Variants in ZNF236 observed in about 807,000 individuals in gnomAD.
The protein encoded by ZNF236 is regulated by glucose.
In ZNF236, 50 loss-of-function variants were observed where a neutral mutation model predicts 191.2. That is an observed-to-expected ratio of 0.26 (90% CI 0.21 to 0.33). The LOEUF (loss-of-function observed/expected upper bound fraction) is 0.33, where lower values mean the gene tolerates loss of function less well. ZNF236 is among the 10% of genes least tolerant of loss of function. The pLI, the probability that ZNF236 is intolerant of heterozygous loss-of-function variation, is 1.00. For synonymous variants in ZNF236, 907 were observed against 928.8 expected (o/e 0.98, Z 0.43); for missense variants, 1,754 against 2,374.5 (o/e 0.74, Z 5.43).
At chr18:76,841,304 C>A (rs1975493470) in intron 1 of ZNF236, among the ~76,000 whole-genome samples, 1 of 152,138 alleles carries the variant, frequency 6.6e-6, no homozygotes, top group South Asian at 2.1e-4. Context: ...AACCCCTGAC[C>A]TCAGATGATC....
chr18:76,826,714 C>T (rs1378652556), intron 1 of ZNF236, among the ~76,000 whole-genome samples: 5 of 147,678 alleles, frequency 3.4e-5, no homozygotes, highest in Non-Finnish European at 4.5e-5. Context: ...GCATGAGAAT[C>T]GCTTGAGCCC....
rs184027149 is a variant in ZNF236 at position 76,832,916 on chromosome 18, A to G, written c.55+10254A>G. Among the ~76,000 whole-genome samples, 68 of 152,294 alleles carry G rather than the reference A, an allele frequency of 4.5e-4. 1 individual carries two copies. In the East Asian group the frequency reaches 0.012, roughly 26 times the overall value. On this transcript the variant is annotated intron_variant, in intron 1 of 30. Transcript: ENST00000320610. The stretch of plus-strand genomic sequence containing the variant: ...TCTCTTGGTAATGTTTTGGGACTTC[A>G]AGATACAGGACTTATACAAATATTG...
At chr18:76,831,885 TAGG>T (rs770114930) in intron 1 of ZNF236, among the ~76,000 whole-genome samples, 33 of 152,232 alleles carry the variant, frequency 2.2e-4, no homozygotes, top group African/African-American at 7.7e-4. Context: ...TACTGATTTA[TAGG>T]AGGTCTTTAT....
At position 76,968,733 on chromosome 18, in the gene ZNF236, T is replaced by G; in HGVS notation, c.*394T>G. The G allele has an allele frequency of 1.0e-6, 1 of 999,610 alleles. No individual in the cohort carries two copies. Among genetic ancestry groups the G allele is most frequent in the South Asian group, 4.4e-5 (1 of 22,972 alleles). The allele number at this position is 999,610 out of a possible 1,614,324, so 61.9% of individuals were successfully genotyped here. A position where few individuals can be genotyped will look rare whatever the true frequency, so the allele number is the denominator to read the frequency against. On this transcript the variant is annotated 3_prime_UTR_variant, in exon 31 of 31. Transcript: ENST00000320610. ...GTCAGATTTTCCTTCATGTTTCTGG[T>G]TATAAGAAGCATAGCTTACAAAGCA...
intron 28 of ZNF236, among the ~76,000 whole-genome samples, chr18:76,956,983 A>C (rs993297147): frequency 2.0e-5 from 3 of 152,210 alleles, no homozygotes; most frequent in Non-Finnish European, 4.4e-5. Context: ...CACTTTTCCC[A>C]AAAACCCCGT....
intron 25 of ZNF236, among the ~76,000 whole-genome samples, chr18:76,932,329 G>A (rs1967876584): frequency 6.6e-6 from 1 of 152,224 alleles, no homozygotes; most frequent in African/African-American, 2.4e-5. Context: ...GCTGAAGCAA[G>A]GAGGTGTGGA....
chr18:76,894,008 G>C (rs1977323922), intron 9 of ZNF236, among the ~76,000 whole-genome samples: 1 of 152,186 alleles, frequency 6.6e-6, no homozygotes, highest in Non-Finnish European at 1.5e-5. Context: ...TTAGTTAAAA[G>C]TGTTCTGGTG....
At chr18:76,887,514 A>G (rs1462275662) in intron 9 of ZNF236, 18 of 152,198 alleles carry the variant, frequency 1.2e-4, no homozygotes, top group Admixed American at 1.2e-3. Flanking sequence ...TAAACCTATC[A>G]TTGGTTGAGG....
chr18:76,959,332 A>G (rs1360422158), intron 28 of ZNF236, among the ~76,000 whole-genome samples: 1 of 152,142 alleles, frequency 6.6e-6, no homozygotes, highest in East Asian at 1.9e-4. Flanking sequence ...CCCACAGCCA[A>G]CGGAGAGAGC....
intron 7 of ZNF236, among the ~76,000 whole-genome samples, chr18:76,879,022 C>G (rs1324074441): frequency 1.3e-5 from 2 of 152,018 alleles, no homozygotes; most frequent in Non-Finnish European, 1.5e-5. Context: ...AATTATAAAG[C>G]TGGAGAATAG....
chr18:76,901,739 C>T (rs1977599927), intron 11 of ZNF236, among the ~76,000 whole-genome samples: 2 of 151,230 alleles, frequency 1.3e-5, no homozygotes, highest in African/African-American at 4.9e-5. Context: ...GCCTGGGGAA[C>T]AACAGTGAAA....
chr18:76,971,306 C>A lies in ZNF236; in HGVS notation c.*2967C>A, dbSNP rs1968905677. Among the ~76,000 whole-genome samples, 1 of 152,134 alleles carries A rather than the reference C, an allele frequency of 6.6e-6. No homozygotes were observed. The highest frequency in any genetic ancestry group is 2.1e-4 in the South Asian group (1 of 4,832). ...ACCCCCATCAAGCTCTACTTTTTCCCCTTTGAAAAACTTGAGGCACTTAGA... is the reference window on the plus strand; with the variant it reads ...ACCCCCATCAAGCTCTACTTTTTCCACTTTGAAAAACTTGAGGCACTTAGA... On this transcript the variant is annotated 3_prime_UTR_variant, in exon 31 of 31. Coordinates refer to ENST00000320610, the MANE Select transcript of ZNF236 (RefSeq NM_001306089.2).
intron 26 of ZNF236, among the ~76,000 whole-genome samples, chr18:76,943,078 G>A (rs1599415492): frequency 2.1e-5 from 3 of 140,384 alleles, no homozygotes; most frequent in Non-Finnish European, 3.0e-5. Flanking sequence ...AGCCGAGATC[G>A]TGCCACTGCA....
chr18:76,847,462 T>TTTTA (rs1287082144), intron 1 of ZNF236, among the ~76,000 whole-genome samples: 61 of 151,934 alleles, frequency 4.0e-4, no homozygotes, highest in Admixed American at 1.5e-3. Context: ...TTTTATTTAT[T>TTTTA]TTTATTTATT....
At chr18:76,877,101 C>CT (rs1269049404) in intron 6 of ZNF236, among the ~76,000 whole-genome samples, 7 of 152,218 alleles carry the variant, frequency 4.6e-5, no homozygotes, top group Admixed American at 1.3e-4. Flanking sequence ...TCTACAGTAA[C>CT]TAACACTGGG....
chr18:76,908,249 C>G, intron 13 of ZNF236, 71 bp from the exon 14 acceptor site: 1 of 1,512,300 alleles, frequency 6.6e-7, no homozygotes. Context: ...ACAACTCTTT[C>G]ACTGTAGTAT....
rs757325370 is a variant in ZNF236 at position 76,880,103 on chromosome 18, T to C, written c.985-10T>C. 15 of 1,588,202 alleles carry C rather than the reference T, an allele frequency of 9.4e-6. No homozygotes were observed. Among genetic ancestry groups the C allele is most frequent in the Non-Finnish European group, 1.2e-5 (14 of 1,169,564 alleles). ...ATTGTATTTTTAATGAAAATGTTTC[T>C]GTGTTTCAGGCCACACTTTTTCAGA... On this transcript the variant is annotated splice_polypyrimidine_tract_variant and intron_variant, in intron 7 of 30. Transcript: ENST00000320610. The surrounding 1 kb of genome is among the most constrained non-coding windows in gnomAD (Gnocchi z 5.0).
intron 25 of ZNF236, among the ~76,000 whole-genome samples, chr18:76,931,856 G>T (rs998803216): frequency 2.6e-5 from 4 of 152,084 alleles, no homozygotes; most frequent in African/African-American, 9.6e-5. Flanking sequence ...TCTTAGCCTT[G>T]TTATTTTCCA....
chr18:76,949,900 G>T (rs1012461514), intron 27 of ZNF236, among the ~76,000 whole-genome samples: 55 of 151,930 alleles, frequency 3.6e-4, no homozygotes, highest in African/African-American at 1.3e-3. Context: ...TCAAGTGATC[G>T]CCCACCTCAG....
Sources: allele counts gnomAD v4.1 joint callset (sites outside exome capture counted in the v4.1 genomes callset), GRCh38; gene constraint gnomAD v4.1.1; non-coding constraint Gnocchi (gnomAD v3.1); transcripts MANE v1.5; gene names NCBI Gene and HGNC (gene_info 2026-07-23, HGNC 2026-07-21).